HOXB6: variants seen among roughly 807,000 people sequenced by gnomAD.
HOXB6 encodes the protein homeobox B6, also known as homeobox protein Hox-B6.
Under a neutral mutation model 24.2 loss-of-function variants are expected in HOXB6, and 18 were observed. That is an observed-to-expected ratio of 0.74 (90% CI 0.51 to 1.10). The LOEUF is 1.10. Among genes scored for constraint, HOXB6 ranks in the 50% least tolerant of loss-of-function variants. The probability of loss-of-function intolerance (pLI) is 0.00; values close to 1 mark genes in which losing one functional copy is unlikely to be tolerated. For synonymous variants in HOXB6, 159 were observed against 139.1 expected, an observed-to-expected ratio of 1.14 and a Z score of -1.01; for missense variants, 332 against 308.3, an observed-to-expected ratio of 1.08 and a Z score of -0.58.
At chr17:48,598,691 C>T (rs556588785) in intron 2 of HOXB6, among the ~76,000 whole-genome samples, 3 of 152,184 alleles carry the variant, frequency 2.0e-5, no homozygotes, top group Admixed American at 1.3e-4. Context: ...GTCTCCGAAT[C>T]GCCTTGAGAG....
intron 2 of HOXB6, among the ~76,000 whole-genome samples, chr17:48,600,993 T>TGC (rs948648847): frequency 1.5e-5 from 2 of 131,862 alleles, no homozygotes; most frequent in Non-Finnish European, 3.0e-5. Context: ...GATATTTGCG[T>TGC]GTGTGTGTGT....
At chr17:48,601,509 C>A (rs1486253767) in intron 2 of HOXB6, 1 of 152,750 alleles carries the variant, frequency 6.5e-6, no homozygotes, top group Non-Finnish European at 1.5e-5. Context: ...TTGGATTGCC[C>A]AAAAGCAAAA....
At chr17:48,602,579 A>G (rs2070494641) in intron 2 of HOXB6, 2 of 230,084 alleles carry the variant, frequency 8.7e-6, no homozygotes, top group Non-Finnish European at 1.8e-5. Flanking sequence ...TGGGTGGAGG[A>G]GAGACTTCTG....
chr17:48,596,829 G>C lies in HOXB6; in HGVS notation c.416-157C>G, dbSNP rs1050669926. 3.3e-5 allele frequency: 44 copies of C among 1,331,014 alleles called. 1 individual carries two copies. The Admixed American group carries it at 4.9e-4, about 15-fold the overall frequency. 82.5% of individuals were successfully genotyped at this position (1,331,014 alleles called of 1,614,324 possible). ...TCGCACTCCTCCAGCGCCCCCTCCA[G>C]ATTCCCTCCTAGTCTCCTAGGCCTG... On this transcript the variant is annotated intron_variant, in intron 3 of 3. Transcript: ENST00000225648. This position sits in a 1 kb window ranked among gnomAD's most constrained non-coding sequence, Gnocchi z 4.8.
At chr17:48,597,079 C>T (rs2070320399) in intron 3 of HOXB6, 1 of 1,105,754 alleles carries the variant, frequency 9.0e-7, no homozygotes, top group Non-Finnish European at 1.1e-6. Flanking sequence ...ACATTAACGG[C>T]TCCTCACTTT....
At chr17:48,597,019 T>G in intron 3 of HOXB6, 2 of 409,816 alleles carry the variant, frequency 4.9e-6, no homozygotes, top group Non-Finnish European at 4.1e-6. Context: ...CCCAACCCAA[T>G]GATAAATCCA....
rs972357831 is a variant in HOXB6, at chr17:48,596,276, G to T, written c.*137C>A. ...TGCGGGCGGGGGCGTCCAGGAGAGC[G>T]CTGGGCCCCGCCTGTCTGCGCCGGA... On this transcript the variant is annotated 3_prime_UTR_variant, in exon 4 of 4. Coordinates refer to ENST00000225648, the MANE Select transcript of HOXB6 (RefSeq NM_018952.5). This position sits in a 1 kb window ranked among gnomAD's most constrained non-coding sequence, Gnocchi z 4.8. The T allele has an allele frequency of 2.9e-6, 4 of 1,375,772 alleles. No individual in the cohort carries two copies. Among genetic ancestry groups the T allele is most frequent in the East Asian group, 4.6e-5 (2 of 43,702 alleles). The allele number at this position is 1,375,772 out of a possible 1,614,324, so 85.2% of individuals were successfully genotyped here. A position where few individuals can be genotyped will look rare whatever the true frequency, so the allele number is the denominator to read the frequency against.
chr17:48,601,962 A>G (rs2070476861), intron 2 of HOXB6: 3 of 385,188 alleles, frequency 7.8e-6, no homozygotes, highest in South Asian at 5.8e-5. Context: ...CTTGGGAAGG[A>G]GGTCGAGTTA....
chr17:48,598,239 T>A lies in HOXB6; in HGVS notation c.-78-11A>T. 7.4e-7 allele frequency: 1 copy of A among 1,358,754 alleles called. No individual in the cohort carries two copies. Among genetic ancestry groups the A allele is most frequent in the South Asian group, 1.5e-5 (1 of 66,026 alleles). The allele number at this position is 1,358,754 out of a possible 1,614,324, so 84.2% of individuals were successfully genotyped here. On this transcript the variant is annotated splice_polypyrimidine_tract_variant and intron_variant, in intron 2 of 3. Transcript: ENST00000225648. Reference sequence around the variant, plus strand: ...GTCCGAGCGCCGCGCCTATTAGTAGTATATCCGAGATTGGGTTTTAGCTGA... The same window carrying A: ...GTCCGAGCGCCGCGCCTATTAGTAGAATATCCGAGATTGGGTTTTAGCTGA...
chr17:48,598,770 A>C (rs2070386840), intron 2 of HOXB6, among the ~76,000 whole-genome samples: 1 of 152,188 alleles, frequency 6.6e-6, no homozygotes, highest in Non-Finnish European at 1.5e-5. Flanking sequence ...CCGCTAAGAT[A>C]AGCAAAGAAG....
At chr17:48,599,896 A>G (rs917384004) in intron 2 of HOXB6, among the ~76,000 whole-genome samples, 21 of 152,160 alleles carry the variant, frequency 1.4e-4, no homozygotes, top group African/African-American at 5.1e-4. Flanking sequence ...AGATGGTACA[A>G]GACACTAGGG....
At chr17:48,603,267 A>G (rs998542041) in intron 2 of HOXB6, among the ~76,000 whole-genome samples, 8 of 152,152 alleles carry the variant, frequency 5.3e-5, no homozygotes, top group Admixed American at 4.6e-4. Context: ...CCCTTACCCC[A>G]TTTTTAAGTC....
rs1017528079 is a variant in HOXB6, at chr17:48,597,719, C to A, written c.415+17G>T. 2 of 1,610,854 alleles carry A rather than the reference C, an allele frequency of 1.2e-6. No homozygotes were observed. ...CCCAGGGGAGCCGGGGCGACGGCGA[C>A]GGGAAGTCTCACTCACTGTTGCACG... is the stretch of plus-strand genomic sequence containing the variant. On this transcript the variant is annotated intron_variant, in intron 3 of 3. Transcript: ENST00000225648.
intron 2 of HOXB6, among the ~76,000 whole-genome samples, chr17:48,599,522 C>A (rs2070405474): frequency 1.3e-5 from 2 of 152,192 alleles, no homozygotes; most frequent in Non-Finnish European, 2.9e-5. Context: ...TGCTTCCAGC[C>A]ATCAGCCAGC....
intron 3 of HOXB6, among the ~76,000 whole-genome samples, 190 bp downstream of exon 3, chr17:48,597,546 T>G (rs1002756365): frequency 4.6e-5 from 7 of 152,016 alleles, no homozygotes; most frequent in Non-Finnish European, 8.8e-5. Context: ...CTTTGCAAAC[T>G]TTGTAACTCC....
chr17:48,598,100 C>T lies in HOXB6; in HGVS notation c.51G>A (p.Gly17=). The stretch of plus-strand genomic sequence containing the variant: ...GTAGCTGGCCCAGGAAGGACTCCTG[C>T]CCGCTGGCCAGAGTGACGGGGAAGG... The part of the protein sequence containing the change: ...NSTFPVTLAS[G]QESFLGQLPL... The change falls in exon 3 of 4, where the codon GGG becomes GGA. Residue 17 remains glycine (G), a synonymous_variant. Coordinates refer to ENST00000225648, the MANE Select transcript of HOXB6 (RefSeq NM_018952.5). 1.9e-6 allele frequency: 3 copies of T among 1,600,344 alleles called. No homozygotes were observed. Among genetic ancestry groups the T allele is most frequent in the Non-Finnish European group, 2.6e-6 (3 of 1,171,036 alleles).
At chr17:48,601,308 G>T (rs1178445972) in intron 2 of HOXB6, 1 of 148,386 alleles carries the variant, frequency 6.7e-6, no homozygotes, top group Non-Finnish European at 1.5e-5. Context: ...CCTAAAATCG[G>T]CCCCTCCAAA....
At position 48,598,193 on chromosome 17, in the gene HOXB6, T is replaced by G. The variant is rs1374786278; in HGVS notation, c.-43A>C. The G allele has an allele frequency of 6.6e-7, 1 of 1,522,810 alleles. No homozygotes were observed. The highest frequency in any genetic ancestry group is 2.3e-5 in the East Asian group (1 of 43,208). 94.3% of individuals were successfully genotyped at this position (1,522,810 alleles called of 1,614,324 possible). A position where few individuals can be genotyped will look rare whatever the true frequency, so the allele number is the denominator to read the frequency against. ...GCGGCCGCTGCTGCTCCGCCGGGTT[T>G]ATGATTTGTTGTGTTTTATAGTCCG... is the stretch of plus-strand genomic sequence containing the variant. On this transcript the variant is annotated 5_prime_UTR_variant, in exon 3 of 4. Transcript: ENST00000225648.
rs17704996 is a variant in HOXB6, at chr17:48,597,052, A to G, written c.416-380T>C. Reference sequence around the variant, plus strand: ...CCAGGCCGTTAATCCGTAATGACGTAGATCGATCCATAGTCCACATTAACG... The same window carrying G: ...CCAGGCCGTTAATCCGTAATGACGTGGATCGATCCATAGTCCACATTAACG... On this transcript the variant is annotated intron_variant, in intron 3 of 3. Transcript: ENST00000225648. 618 of 1,157,242 alleles carry G rather than the reference A, an allele frequency of 5.3e-4. 5 individuals carry two copies. The Middle Eastern group carries it at 8.2e-3, about 15-fold the overall frequency. The allele number at this position is 1,157,242 out of a possible 1,614,324, so 71.7% of individuals were successfully genotyped here.
Sources: gnomAD v4.1 joint callset for allele counts (sites outside exome capture counted in the v4.1 genomes callset) on GRCh38, gnomAD v4.1.1 for gene constraint, Gnocchi (gnomAD v3.1) non-coding constraint, MANE v1.5 for transcripts, NCBI Gene and HGNC (gene_info 2026-07-23, HGNC 2026-07-21) for gene names.